AVL9: variants seen among roughly 807,000 people sequenced by gnomAD.
AVL9 encodes the protein AVL9 cell migration associated.
In AVL9, 49 loss-of-function variants were observed where a neutral mutation model predicts 79.2. That is an observed-to-expected ratio of 0.62 (90% CI 0.49 to 0.79). The LOEUF is 0.79. Among genes scored for constraint, AVL9 ranks in the 30% least tolerant of loss-of-function variants. The pLI is 0.00. For synonymous variants in AVL9, 299 were observed against 280.6 expected, an observed-to-expected ratio of 1.07 and a Z score of -0.65; for missense variants, 682 against 776.8, an observed-to-expected ratio of 0.88 and a Z score of 1.45.
intron 12 of AVL9, 54 bp downstream of exon 12, chr7:32,573,472 TG>T: frequency 6.7e-7 from 1 of 1,500,188 alleles, no homozygotes; most frequent in Non-Finnish European, 9.2e-7. Context: ...TTTTTCATTT[TG>T]TAACATTTAT....
intron 1 of AVL9, among the ~76,000 whole-genome samples, chr7:32,496,797 GA>G (rs1345463667): frequency 1.3e-5 from 2 of 152,184 alleles, no homozygotes; most frequent in South Asian, 2.1e-4. Context: ...TGATGGGAGT[GA>G]AAAAATCGTG....
chr7:32,574,938 CATGCAATTAATAT>C (rs1320569772), intron 12 of AVL9, among the ~76,000 whole-genome samples: 1 of 152,134 alleles, frequency 6.6e-6, no homozygotes, highest in Non-Finnish European at 1.5e-5. Context: ...AAGTAAACAA[CATGCAATTAATAT>C]ATGAAGTAAT....
chr7:32,506,672 G>A (rs1787426038), intron 1 of AVL9, among the ~76,000 whole-genome samples: 1 of 151,970 alleles, frequency 6.6e-6, no homozygotes, highest in Non-Finnish European at 1.5e-5. Context: ...CAGCACTTCG[G>A]GAGGCCAAAC....
Position 32,586,208 on chromosome 7 carries a change from T to C in AVL9, c.*2301T>C, listed in dbSNP as rs1314385461. On this transcript the variant is annotated 3_prime_UTR_variant, in exon 16 of 16. Transcript: ENST00000318709. ...CTTGTTCCTCATTGAATATACACTTTGATCGGACTTTCTATTAACATTTCT... is the reference window on the plus strand; with the variant it reads ...CTTGTTCCTCATTGAATATACACTTCGATCGGACTTTCTATTAACATTTCT... The C allele has an allele frequency of 6.6e-6, 1 of 152,246 alleles. No individual in the cohort carries two copies. Among genetic ancestry groups the C allele is most frequent in the Non-Finnish European group, 1.5e-5 (1 of 68,050 alleles). 9.4% of individuals were successfully genotyped at this position (152,246 alleles called of 1,614,324 possible). A position where few individuals can be genotyped will look rare whatever the true frequency, so the allele number is the denominator to read the frequency against.
rs1418967944 is a variant in AVL9, at chr7:32,573,357, A to G, written c.1509A>G (p.Glu503=). 1.2e-6 allele frequency: 2 copies of G among 1,613,772 alleles called. No individual in the cohort carries two copies. Among genetic ancestry groups the G allele is most frequent in the South Asian group, 2.2e-5 (2 of 91,056 alleles). ...GCACGGGCTGGGAGGGAGGTGACGA[A>G]TGGATCCGGGCCCAGTTTGCGGTCT... ...LDGTGWEGGD[E]WIRAQFAVYI... is the part of the protein sequence containing the mutation. The change falls in exon 12 of 16, where the codon GAA becomes GAG. Residue 503 remains glutamate, a synonymous_variant. Coordinates refer to ENST00000318709, the MANE Select transcript of AVL9 (RefSeq NM_015060.3).
intron 10 of AVL9, among the ~76,000 whole-genome samples, chr7:32,566,510 A>G (rs1421197418): frequency 7.1e-6 from 1 of 141,634 alleles, no homozygotes; most frequent in Non-Finnish European, 1.5e-5. Flanking sequence ...AGCACTGGGG[A>G]TAGAGAATAA....
chr7:32,548,151 C>CTTTTGTTTTCTTTTTG (rs71559236), intron 3 of AVL9, among the ~76,000 whole-genome samples: 2 of 131,596 alleles, frequency 1.5e-5, no homozygotes, highest in African/African-American at 3.1e-5. Flanking sequence ...TCTCTTTTTT[C>CTTTTGTTTTCTTTTTG]TTTTTTTTTT....
rs368571506 is a variant in AVL9 at position 32,573,322 on chromosome 7, T to C, written c.1474T>C (p.Phe492Leu). Residue 492 changes from phenylalanine to leucine, a missense_variant, in exon 12 of 16, where the codon TTC becomes CTC. Phe to Leu is a conservative substitution (Grantham distance 22). Coordinates refer to ENST00000318709, the MANE Select transcript of AVL9 (RefSeq NM_015060.3). ...CGTGACTGAGAATCGGGATGACGTC[T>C]TCCTAGATGGCACGGGCTGGGAGGG... ...RHVTENRDDV[F>L]LDGTGWEGGD... 2 of 1,613,814 alleles carry C rather than the reference T, an allele frequency of 1.2e-6. No homozygotes were observed. The highest frequency in any genetic ancestry group is 1.7e-6 in the Non-Finnish European group (2 of 1,179,954).
At chr7:32,554,985 G>A (rs1190601097) in intron 8 of AVL9, among the ~76,000 whole-genome samples, 2 of 152,128 alleles carry the variant, frequency 1.3e-5, no homozygotes, top group Non-Finnish European at 2.9e-5. Flanking sequence ...CAGTAATTGG[G>A]TTATTTGCTT....
rs1562782670 is a variant in AVL9, at chr7:32,551,319, CT to C, written c.373-9del. The C allele has an allele frequency of 6.5e-7, 1 of 1,535,488 alleles. No individual in the cohort carries two copies. Among genetic ancestry groups the C allele is most frequent in the Admixed American group, 1.7e-5 (1 of 57,442 alleles). Reference sequence around the variant, plus strand: ...TAATTATTAATCAATGGTAATTTCTCTTTTTTCCTTTAAGCCTCTGTATGGT... The same window carrying C: ...TAATTATTAATCAATGGTAATTTCTCTTTTTCCTTTAAGCCTCTGTATGGT... On this transcript the variant is annotated splice_polypyrimidine_tract_variant and intron_variant, in intron 4 of 15. Coordinates refer to ENST00000318709, the MANE Select transcript of AVL9 (RefSeq NM_015060.3).
At chr7:32,514,754 A>G (rs1787836956) in intron 1 of AVL9, among the ~76,000 whole-genome samples, 2 of 152,182 alleles carry the variant, frequency 1.3e-5, no homozygotes, top group South Asian at 4.1e-4. Flanking sequence ...TACCCGCCAG[A>G]GAACAAACAC....
chr7:32,581,732 C>CTGAA (rs1325566014), intron 15 of AVL9: 1 of 152,238 alleles, frequency 6.6e-6, no homozygotes, highest in Non-Finnish European at 1.5e-5. Context: ...ACTTGAAAGG[C>CTGAA]TGAAGTGGGA....
rs139575393 is a variant in AVL9 at position 32,557,757 on chromosome 7, G to A, written c.610-802G>A. Among the ~76,000 whole-genome samples, 7 of 152,032 alleles carry A rather than the reference G, an allele frequency of 4.6e-5. No homozygotes were observed. The East Asian group carries it at 1.4e-3, about 29-fold the overall frequency. On this transcript the variant is annotated intron_variant, in intron 8 of 15. Coordinates refer to ENST00000318709, the MANE Select transcript of AVL9 (RefSeq NM_015060.3). ...ATTGTGACTATCCTGTTGTTTCACA[G>A]TAGTTTTAGCATCTGTTGGTAATTT... is the stretch of plus-strand genomic sequence containing the variant.
intron 10 of AVL9, 144 bp downstream of exon 10, chr7:32,559,608 C>G (rs934539563): frequency 6.8e-6 from 5 of 735,560 alleles, no homozygotes; most frequent in African/African-American, 1.8e-5. Context: ...ATACATAGTA[C>G]TGTGGCATCC....
intron 1 of AVL9, among the ~76,000 whole-genome samples, chr7:32,499,073 GA>G (rs1786999207): frequency 3.3e-5 from 5 of 149,530 alleles, no homozygotes; most frequent in African/African-American, 5.0e-5. Flanking sequence ...TGAGGCAGGA[GA>G]TTTGCTTGAA....
chr7:32,551,968 G>T (rs955282589), intron 5 of AVL9, among the ~76,000 whole-genome samples: 2 of 151,422 alleles, frequency 1.3e-5, no homozygotes, highest in African/African-American at 4.9e-5. Flanking sequence ...AATGAACCAC[G>T]CTCTAAAATG....
intron 1 of AVL9, among the ~76,000 whole-genome samples, chr7:32,520,568 A>G (rs1483252867): frequency 6.6e-6 from 1 of 152,100 alleles, no homozygotes; most frequent in Non-Finnish European, 1.5e-5. Flanking sequence ...TTCCTGTAAA[A>G]CACCAACTGG....
intron 1 of AVL9, among the ~76,000 whole-genome samples, chr7:32,508,233 T>G (rs1465363332): frequency 6.6e-6 from 1 of 152,216 alleles, no homozygotes; most frequent in Non-Finnish European, 1.5e-5. Flanking sequence ...ACTATATTAG[T>G]CTTTCCCATT....
At chr7:32,500,349 G>A (rs1187773587) in intron 1 of AVL9, among the ~76,000 whole-genome samples, 2 of 152,182 alleles carry the variant, frequency 1.3e-5, no homozygotes, top group Non-Finnish European at 2.9e-5. Flanking sequence ...ATGATGATGA[G>A]CTTTTTTTCA....
Sources: allele counts gnomAD v4.1 joint callset (sites outside exome capture counted in the v4.1 genomes callset), GRCh38; gene constraint gnomAD v4.1.1; transcripts MANE v1.5; gene names NCBI Gene and HGNC (gene_info 2026-07-23, HGNC 2026-07-21).